Variants in ANKRD28 observed in about 807,000 individuals in gnomAD.
ANKRD28 encodes the protein ankyrin repeat domain 28.
ANKRD28 carries 44 observed loss-of-function variants against 126.5 expected under a neutral mutation model. The ratio of observed to expected loss-of-function variants is 0.35; its 90% CI spans 0.27 to 0.45. The LOEUF is 0.45. Among genes scored for constraint, ANKRD28 ranks in the 20% least tolerant of loss-of-function variants. The probability of loss-of-function intolerance (pLI) is 1.00; values close to 1 mark genes in which losing one functional copy is unlikely to be tolerated. For missense variants in ANKRD28, 1,110 were observed against 1,316.6 expected, an observed-to-expected ratio of 0.84 and a Z score of 2.43; for synonymous variants, 442 against 468.5, an observed-to-expected ratio of 0.94 and a Z score of 0.73.
chr3:15,810,976 A>G (rs1229688128), intron 1 of ANKRD28, among the ~76,000 whole-genome samples: 2 of 152,190 alleles, frequency 1.3e-5, no homozygotes, highest in Non-Finnish European at 2.9e-5. Context: ...AAACTTGCTG[A>G]CCTACAATCC....
intron 6 of ANKRD28, among the ~76,000 whole-genome samples, chr3:15,728,422 T>G (rs2074347485): frequency 6.6e-6 from 1 of 152,110 alleles, no homozygotes; most frequent in Non-Finnish European, 1.5e-5. Context: ...GCCTTCTGAG[T>G]AGCTAGGACT....
intron 1 of ANKRD28, among the ~76,000 whole-genome samples, chr3:15,826,571 T>C (rs9877887): frequency 0.041 from 6,211 of 152,290 alleles, 415 homozygotes; most frequent in African/African-American, 0.14. Flanking sequence ...TAGTTATATA[T>C]GTAAATATTT....
rs1317089872 is a variant in ANKRD28 at position 15,754,987 on chromosome 3, G to A, written c.281-3167C>T. Among the ~76,000 whole-genome samples the A allele has an allele frequency of 3.3e-5, 5 of 152,114 alleles. No individual in the cohort carries two copies. In the South Asian group the frequency reaches 8.3e-4, roughly 25 times the overall value. ...CAAAAAAAAATTAGCTAGGCACAGC[G>A]GTGGGCGCCTGCAATCCAAGCTTCC... On this transcript the variant is annotated intron_variant, in intron 3 of 27. Transcript: ENST00000683139.
chr3:15,711,313 T>C, intron 11 of ANKRD28, 39 bp from the exon 12 acceptor site: 1 of 1,507,954 alleles, frequency 6.6e-7, no homozygotes. Flanking sequence ...ACAGACATAT[T>C]ATTTTACACT....
intron 7 of ANKRD28, 94 bp from the exon 8 acceptor site, chr3:15,721,221 A>G: frequency 9.8e-7 from 1 of 1,024,434 alleles, no homozygotes; most frequent in Non-Finnish European, 1.5e-6. Flanking sequence ...CAATCAAATT[A>G]CTAAAGTGAG....
chr3:15,762,956 C>T (rs1002505177), intron 3 of ANKRD28, among the ~76,000 whole-genome samples: 2 of 152,194 alleles, frequency 1.3e-5, no homozygotes, highest in Admixed American at 1.3e-4. Flanking sequence ...AAGGCCAGGA[C>T]TGTATCCAAA....
intron 4 of ANKRD28, among the ~76,000 whole-genome samples, chr3:15,748,875 CTTCGTTCATT>C (rs905802395): frequency 1.3e-5 from 2 of 152,012 alleles, no homozygotes; most frequent in African/African-American, 4.8e-5. Context: ...TTCTTGGAGA[CTTCGTTCATT>C]TAAAAAAAAA....
At chr3:15,803,491 C>T (rs1239062973) in intron 1 of ANKRD28, among the ~76,000 whole-genome samples, 1 of 151,878 alleles carries the variant, frequency 6.6e-6, no homozygotes. Context: ...GTGGCGCGTG[C>T]CTGTAATCCC....
At chr3:15,672,667 C>T (rs2066493159) in intron 27 of ANKRD28, among the ~76,000 whole-genome samples, 2 of 152,188 alleles carry the variant, frequency 1.3e-5, no homozygotes. Flanking sequence ...GGCAGAACAA[C>T]CCATTACATA....
intron 11 of ANKRD28, among the ~76,000 whole-genome samples, chr3:15,711,789 C>A (rs1248849783): frequency 6.6e-6 from 1 of 151,776 alleles, no homozygotes; most frequent in Non-Finnish European, 1.5e-5. Flanking sequence ...TGGGTTCAAG[C>A]GATTCTCCTG....
intron 8 of ANKRD28, among the ~76,000 whole-genome samples, chr3:15,718,128 T>C (rs1281128123): frequency 6.6e-6 from 1 of 152,196 alleles, no homozygotes; most frequent in African/African-American, 2.4e-5. Flanking sequence ...GAATATATAT[T>C]CTTGCTGGAT....
chr3:15,780,907 T>C (rs2059507077), intron 2 of ANKRD28, among the ~76,000 whole-genome samples: 1 of 152,150 alleles, frequency 6.6e-6, no homozygotes, highest in Non-Finnish European at 1.5e-5. Context: ...TCATACCATA[T>C]ATAAAAATCA....
chr3:15,855,155 T>C (rs748522002), intron 1 of ANKRD28, among the ~76,000 whole-genome samples: 6 of 152,172 alleles, frequency 3.9e-5, no homozygotes, highest in Non-Finnish European at 7.4e-5. Context: ...GCATTCTGTA[T>C]CCCCTATTGT....
In ANKRD28 at chr3:15,797,516, G is replaced by C. The variant is rs1186309538; in HGVS notation, c.-995C>G. 1 of 984,780 alleles carries C rather than the reference G, an allele frequency of 1.0e-6. No homozygotes were observed. The highest frequency in any genetic ancestry group is 1.2e-6 in the Non-Finnish European group (1 of 829,880). 61.0% of individuals were successfully genotyped at this position (984,780 alleles called of 1,614,324 possible). ...AAGCAGGCTGTGAAGGAATTAGAAG[G>C]CATTTGAGCTCAAATTACTGCTTCA... On this transcript the variant is annotated 5_prime_UTR_variant, in exon 1 of 28. Coordinates refer to ENST00000683139, the MANE Select transcript of ANKRD28 (RefSeq NM_001349278.2).
At chr3:15,844,920 G>A (rs1575812449) in intron 1 of ANKRD28, among the ~76,000 whole-genome samples, 1 of 152,178 alleles carries the variant, frequency 6.6e-6, no homozygotes, top group Admixed American at 6.5e-5. Context: ...GGTTGTATAG[G>A]AAGCATAGCG....
chr3:15,705,813 C>T (rs1250347916), intron 14 of ANKRD28, among the ~76,000 whole-genome samples: 3 of 152,078 alleles, frequency 2.0e-5, no homozygotes, highest in African/African-American at 7.2e-5. Flanking sequence ...CCAGCCTGGC[C>T]AACATGGTGA....
rs1486394619 is a variant in ANKRD28, at chr3:15,850,204, A to AAATATATATATATATATATATAT, written c.27+9172_27+9173insATATATATATATATATATATATT. 9.1e-5 allele frequency among the ~76,000 whole-genome samples: 5 copies of AAATATATATATATATATATATAT among 54,830 alleles called. 1 individual carries two copies. The highest frequency in any genetic ancestry group is 1.5e-4 in the Non-Finnish European group (4 of 25,972). 36.0% of individuals were successfully genotyped at this position (54,830 alleles called of 152,430 possible). A position where few individuals can be genotyped will look rare whatever the true frequency, so the allele number is the denominator to read the frequency against. On this transcript the variant is annotated intron_variant, in intron 1 of 27. Coordinates refer to the ANKRD28 transcript ENST00000399451. ...TCTACATGCAATAAAAAAAAAAAAA[A>AAATATATATATATATATATATAT]ATATATATATATATATATATAGAGA...
intron 6 of ANKRD28, among the ~76,000 whole-genome samples, chr3:15,727,660 G>A (rs1242506910): frequency 6.6e-6 from 1 of 150,670 alleles, no homozygotes; most frequent in Non-Finnish European, 1.5e-5. Context: ...GAGTTTGGAA[G>A]AAGTTGATTC....
chr3:15,802,707 T>C, upstream of ANKRD28, among the ~76,000 whole-genome samples: 1 of 152,186 alleles, frequency 6.6e-6, no homozygotes, highest in East Asian at 1.9e-4. Flanking sequence ...TGGAAACAGT[T>C]ACCACAAATA....
Sources: gnomAD v4.1 joint callset for allele counts (sites outside exome capture counted in the v4.1 genomes callset) on GRCh38, gnomAD v4.1.1 for gene constraint, MANE v1.5 for transcripts, NCBI Gene and HGNC (gene_info 2026-07-23, HGNC 2026-07-21) for gene names.